The following FOXN3 variants were observed in gnomAD, a reference collection of about 807,000 sequenced individuals.
FOXN3 encodes the protein forkhead box N3.
In FOXN3, 7 loss-of-function variants were observed where a neutral mutation model predicts 38.4. The ratio of observed to expected loss-of-function variants is 0.18; its 90% CI spans 0.10 to 0.34. FOXN3 has a LOEUF of 0.34. Among genes scored for constraint, FOXN3 ranks in the 10% least tolerant of loss-of-function variants. The pLI is 1.00. For missense variants in FOXN3, 456 were observed against 613.4 expected (o/e 0.74, Z 2.71); for synonymous variants, 230 against 242.2 (o/e 0.95, Z 0.47).
At chr14:89,220,259 TG>T (rs2139841694) in intron 4 of FOXN3, among the ~76,000 whole-genome samples, 1 of 152,280 alleles carries the variant, frequency 6.6e-6, no homozygotes, top group Non-Finnish European at 1.5e-5. Context: ...TCAGGTGGCA[TG>T]GGTTCAAATC....
intron 2 of FOXN3, among the ~76,000 whole-genome samples, chr14:89,410,296 C>T (rs1392816238): frequency 6.6e-6 from 1 of 152,024 alleles, no homozygotes; most frequent in African/African-American, 2.4e-5. Context: ...AATTGAAGGC[C>T]CCAGCCCCGC....
At chr14:89,452,558 C>T (rs930088803) in intron 1 of FOXN3, among the ~76,000 whole-genome samples, 1 of 152,180 alleles carries the variant, frequency 6.6e-6, no homozygotes, top group Non-Finnish European at 1.5e-5. Context: ...TGGGGAAAGC[C>T]CGTTTTGATG....
rs78146083 is a variant in FOXN3, at chr14:89,178,789, C to T, written c.851+1912G>A. Among the ~76,000 whole-genome samples, 422 of 152,194 alleles carry T rather than the reference C, an allele frequency of 2.8e-3. 2 individuals carry two copies. The highest frequency in any genetic ancestry group is 9.3e-3 in the African/African-American group (388 of 41,502). Reference sequence around the variant, plus strand: ...TCCTGTTGAAGGTCCACCTGTTGTCCGCCTGGCTTTTCTGTGCCCTTCTAT... The same window carrying T: ...TCCTGTTGAAGGTCCACCTGTTGTCTGCCTGGCTTTTCTGTGCCCTTCTAT... On this transcript the variant is annotated intron_variant, in intron 5 of 5. Coordinates refer to ENST00000557258, the MANE Select transcript of FOXN3 (RefSeq NM_005197.4).
chr14:89,241,355 A>G lies in FOXN3; in HGVS notation c.745+39595T>C, dbSNP rs74566561. On this transcript the variant is annotated intron_variant, in intron 4 of 5. Transcript: ENST00000557258. ...CTACTCAGCCACTTCCCTATTAACT[A>G]TCTACTGCTCTCTGTGCATGCTCAT... is the stretch of plus-strand genomic sequence containing the variant. Among the ~76,000 whole-genome samples, 629 of 152,240 alleles carry G rather than the reference A, an allele frequency of 4.1e-3. 4 individuals are homozygous for G. Among genetic ancestry groups the G allele is most frequent in the African/African-American group, 0.015 (605 of 41,536 alleles).
intron 1 of FOXN3, among the ~76,000 whole-genome samples, chr14:89,591,898 C>T (rs141838757): frequency 8.6e-5 from 13 of 151,968 alleles, no homozygotes; most frequent in African/African-American, 2.9e-4. Flanking sequence ...GTACTCCAGC[C>T]GGGGTGACAG....
chr14:89,558,961 G>A (rs948681011), intron 1 of FOXN3, among the ~76,000 whole-genome samples: 1 of 152,086 alleles, frequency 6.6e-6, no homozygotes, highest in Non-Finnish European at 1.5e-5. Flanking sequence ...TTACCCCCTC[G>A]CATTCTTGCC....
At chr14:89,584,818 T>C (rs1895812123) in intron 1 of FOXN3, among the ~76,000 whole-genome samples, 1 of 152,088 alleles carries the variant, frequency 6.6e-6, no homozygotes, top group Non-Finnish European at 1.5e-5. Flanking sequence ...GTTCAAACAA[T>C]TCTTCCACCT....
At chr14:89,416,305 C>A (rs1891722546) in intron 1 of FOXN3, among the ~76,000 whole-genome samples, 1 of 152,250 alleles carries the variant, frequency 6.6e-6, no homozygotes, top group African/African-American at 2.4e-5. Flanking sequence ...CATACCTTCA[C>A]TGCCGGTCAG....
intron 4 of FOXN3, among the ~76,000 whole-genome samples, chr14:89,218,387 C>A (rs1596110055): frequency 6.6e-6 from 1 of 152,210 alleles, no homozygotes; most frequent in South Asian, 2.1e-4. Flanking sequence ...GTCACCCAAT[C>A]CTATTCCCTT....
intron 1 of FOXN3, among the ~76,000 whole-genome samples, chr14:89,554,948 C>G (rs1267491406): frequency 6.6e-6 from 1 of 151,884 alleles, no homozygotes; most frequent in East Asian, 1.9e-4. Context: ...AGCACCATGC[C>G]TGGCTGGTTT....
chr14:89,190,903 C>A (rs1461063699), intron 4 of FOXN3, among the ~76,000 whole-genome samples: 1 of 152,012 alleles, frequency 6.6e-6, no homozygotes, highest in Non-Finnish European at 1.5e-5. Context: ...GACATGTGGT[C>A]ATTTCCATTT....
At chr14:89,543,340 C>T (rs1042703466) in intron 1 of FOXN3, among the ~76,000 whole-genome samples, 1 of 152,110 alleles carries the variant, frequency 6.6e-6, no homozygotes, top group Admixed American at 6.5e-5. Flanking sequence ...ACAAGACTGA[C>T]CTCTTTAGCT....
At chr14:89,456,590 C>T (rs988031070) in intron 1 of FOXN3, among the ~76,000 whole-genome samples, 1 of 152,072 alleles carries the variant, frequency 6.6e-6, no homozygotes, top group South Asian at 2.1e-4. Flanking sequence ...CCCATCTCTA[C>T]TAAAAATACA....
chr14:89,391,825 C>T (rs1890956068), intron 2 of FOXN3, among the ~76,000 whole-genome samples: 1 of 152,114 alleles, frequency 6.6e-6, no homozygotes, highest in Non-Finnish European at 1.5e-5. Flanking sequence ...GGCAACATGG[C>T]CAAACCCCAT....
At chr14:89,306,359 G>T (rs1657410290) in intron 3 of FOXN3, among the ~76,000 whole-genome samples, 1 of 150,792 alleles carries the variant, frequency 6.6e-6, no homozygotes, top group Non-Finnish European at 1.5e-5. Context: ...CACACACTTT[G>T]GTTCTCTTTT....
At position 89,618,053 on chromosome 14, in the gene FOXN3, G is replaced by C. The variant is rs367571717; in HGVS notation, c.-15+975C>G. 1.1e-4 allele frequency among the ~76,000 whole-genome samples: 17 copies of C among 152,296 alleles called. No homozygotes were observed. In the East Asian group the frequency reaches 1.9e-3, roughly 17 times the overall value. On this transcript the variant is annotated intron_variant, in intron 1 of 6. Coordinates refer to the FOXN3 transcript ENST00000345097. ...ATAACAGGATGTCTTCCTTAGCTAA[G>C]GAAAACGATTCCCTTTTTCCTCAAT...
chr14:89,376,614 C>T (rs1005622898), intron 2 of FOXN3, among the ~76,000 whole-genome samples: 8 of 152,190 alleles, frequency 5.3e-5, no homozygotes, highest in Admixed American at 1.3e-4. Context: ...GAGAGATCAG[C>T]ATGACCACCC....
At chr14:89,402,204 C>A (rs1284468451) in intron 2 of FOXN3, among the ~76,000 whole-genome samples, 1 of 152,200 alleles carries the variant, frequency 6.6e-6, no homozygotes, top group Non-Finnish European at 1.5e-5. Flanking sequence ...ACACTAAATG[C>A]AATTTAACCA....
chr14:89,455,129 T>C (rs1316347334), intron 1 of FOXN3, among the ~76,000 whole-genome samples: 1 of 152,200 alleles, frequency 6.6e-6, no homozygotes, highest in Admixed American at 6.5e-5. Context: ...TCCAGTTTCC[T>C]CATCAGTGAG....
Sources: gnomAD v4.1 joint callset for allele counts (sites outside exome capture counted in the v4.1 genomes callset) on GRCh38, gnomAD v4.1.1 for gene constraint, MANE v1.5 for transcripts, NCBI Gene and HGNC (gene_info 2026-07-23, HGNC 2026-07-21) for gene names.